Variants in FGF14 observed in about 807,000 individuals in gnomAD.
The protein encoded by FGF14 is fibroblast growth factor 14.
In FGF14, 5 loss-of-function variants were observed where a neutral mutation model predicts 25.5. The ratio of observed to expected loss-of-function variants is 0.20; its 90% CI spans 0.10 to 0.41. The LOEUF is 0.41. Among genes scored for constraint, FGF14 ranks in the 10% least tolerant of loss-of-function variants. The pLI is 1.00. For missense variants in FGF14, 222 were observed against 320.1 expected (o/e 0.69, Z 2.34); for synonymous variants, 138 against 118.3 (o/e 1.17, Z -1.08).
At chr13:101,855,758 A>C (rs1412662208) in intron 3 of FGF14, among the ~76,000 whole-genome samples, 2 of 151,954 alleles carry the variant, frequency 1.3e-5, no homozygotes, top group African/African-American at 2.4e-5. Context: ...TTCGTGGCTC[A>C]GAGAACCAGA....
chr13:101,924,514 A>T (rs1341419519), intron 1 of FGF14, among the ~76,000 whole-genome samples: 1 of 152,162 alleles, frequency 6.6e-6, no homozygotes, highest in African/African-American at 2.4e-5. Flanking sequence ...TACTACCTTC[A>T]CAGTATAGAA....
rs749359042 is a variant in FGF14 at position 102,063,985 on chromosome 13, T to C, written c.209-188689A>G. 2.6e-5 allele frequency among the ~76,000 whole-genome samples: 4 copies of C among 152,180 alleles called. No individual in the cohort carries two copies. In the South Asian group the frequency reaches 6.2e-4, roughly 24 times the overall value. On this transcript the variant is annotated intron_variant, in intron 1 of 4. Transcript: ENST00000376131. ...TAAAATAAAATTAGTAAACCATACTTGCTATAATTAAAAGGTTTTTTAAAG... is the reference window on the plus strand; with the variant it reads ...TAAAATAAAATTAGTAAACCATACTCGCTATAATTAAAAGGTTTTTTAAAG...
chr13:102,014,066 T>A (rs1017766746), intron 1 of FGF14, among the ~76,000 whole-genome samples: 1 of 152,100 alleles, frequency 6.6e-6, no homozygotes, highest in Non-Finnish European at 1.5e-5. Context: ...GAAGATAATG[T>A]GGTATGGAGT....
intron 3 of FGF14, among the ~76,000 whole-genome samples, chr13:101,860,147 T>C (rs1354371251): frequency 6.6e-6 from 1 of 152,076 alleles, no homozygotes; most frequent in Non-Finnish European, 1.5e-5. Context: ...TTTTCAAGAT[T>C]GCAAACCAGC....
chr13:102,266,086 T>G (rs999599230), intron 1 of FGF14, among the ~76,000 whole-genome samples: 3 of 152,058 alleles, frequency 2.0e-5, no homozygotes, highest in African/African-American at 7.2e-5. Flanking sequence ...GGACAACTCA[T>G]CTCTCTAGAT....
intron 1 of FGF14, among the ~76,000 whole-genome samples, chr13:102,395,942 G>A (rs1243218855): frequency 1.3e-5 from 2 of 151,694 alleles, no homozygotes. Flanking sequence ...TCTGACCAAA[G>A]TAAAAAAAAT....
chr13:102,249,593 C>T (rs1001954961), intron 1 of FGF14, among the ~76,000 whole-genome samples: 7 of 151,772 alleles, frequency 4.6e-5, no homozygotes, highest in African/African-American at 7.3e-5. Flanking sequence ...CACACATGGG[C>T]GCATGCACAT....
rs537609607 is a variant in FGF14 at position 101,960,889 on chromosome 13, C to T, written c.209-85593G>A. 2.2e-4 allele frequency among the ~76,000 whole-genome samples: 34 copies of T among 152,320 alleles called. 1 individual carries two copies. In the South Asian group the frequency reaches 7.0e-3, roughly 32 times the overall value. ...GACTTTTTAATAATCGTCATTCTGA[C>T]TGGAGTGAGATGGTATCTCATTGTG... On this transcript the variant is annotated intron_variant, in intron 1 of 4. Transcript: ENST00000376131.
chr13:102,376,134 C>T (rs544952656), intron 1 of FGF14, among the ~76,000 whole-genome samples: 32 of 152,192 alleles, frequency 2.1e-4, no homozygotes, highest in Non-Finnish European at 3.7e-4. Context: ...TGTAATAATC[C>T]GCATGTGTCA....
At chr13:102,271,890 C>T (rs1315191179) in intron 1 of FGF14, among the ~76,000 whole-genome samples, 1 of 152,152 alleles carries the variant, frequency 6.6e-6, no homozygotes. Flanking sequence ...ACGTTGGTAG[C>T]CTCCTAACCT....
chr13:101,967,324 T>G (rs2037274460), intron 1 of FGF14, among the ~76,000 whole-genome samples: 1 of 152,254 alleles, frequency 6.6e-6, no homozygotes, highest in Non-Finnish European at 1.5e-5. Flanking sequence ...TTGTATACAT[T>G]AAGAGAACCA....
At chr13:101,820,546 T>G (rs1032703000) in intron 3 of FGF14, among the ~76,000 whole-genome samples, 2 of 152,192 alleles carry the variant, frequency 1.3e-5, no homozygotes, top group Non-Finnish European at 2.9e-5. Context: ...ATTAAAGCAA[T>G]ATCATGTTTC....
chr13:101,818,103 G>C (rs745344883), intron 3 of FGF14, among the ~76,000 whole-genome samples: 1 of 152,190 alleles, frequency 6.6e-6, no homozygotes, highest in East Asian at 1.9e-4. Flanking sequence ...ACTTGGAGAT[G>C]TTCTAACAGA....
intron 1 of FGF14, among the ~76,000 whole-genome samples, chr13:102,282,180 C>T (rs1259367535): frequency 6.6e-6 from 1 of 152,040 alleles, no homozygotes; most frequent in Middle Eastern, 3.4e-3. Flanking sequence ...GATTCTCCTG[C>T]CTCAGCCTCC....
chr13:102,238,562 C>T (rs1229094751), intron 1 of FGF14, among the ~76,000 whole-genome samples: 1 of 152,118 alleles, frequency 6.6e-6, no homozygotes, highest in Non-Finnish European at 1.5e-5. Context: ...TTTATGAACA[C>T]AGTTTATAAT....
At chr13:101,877,951 C>T (rs77575613) in intron 1 of FGF14, among the ~76,000 whole-genome samples, 1 of 152,156 alleles carries the variant, frequency 6.6e-6, no homozygotes, top group Non-Finnish European at 1.5e-5. Flanking sequence ...TTTCTATTTT[C>T]ACTGCCAGCC....
intron 1 of FGF14, among the ~76,000 whole-genome samples, chr13:101,971,476 T>A (rs1205584953): frequency 2.6e-5 from 4 of 151,954 alleles, no homozygotes; most frequent in Admixed American, 6.6e-5. Context: ...GCTCAAGCAG[T>A]CCTCCCACCT....
intron 1 of FGF14, among the ~76,000 whole-genome samples, chr13:102,335,068 C>T (rs2056753028): frequency 6.6e-6 from 1 of 152,106 alleles, no homozygotes; most frequent in South Asian, 2.1e-4. Flanking sequence ...ATTGCATATC[C>T]ATATTCCTTC....
intron 1 of FGF14, chr13:102,003,348 T>C (rs1566558192): frequency 6.6e-6 from 1 of 152,086 alleles, no homozygotes; most frequent in African/African-American, 2.4e-5. Flanking sequence ...ACAGTTTCAA[T>C]GAGAAAATAA....
Sources: gnomAD v4.1 joint callset for allele counts (sites outside exome capture counted in the v4.1 genomes callset) on GRCh38, gnomAD v4.1.1 for gene constraint, MANE v1.5 for transcripts, NCBI Gene and HGNC (gene_info 2026-07-23, HGNC 2026-07-21) for gene names.